ZNF829: variants seen among roughly 807,000 people sequenced by gnomAD.
ZNF829 encodes zinc finger protein 829.
ZNF829 carries 25 observed loss-of-function variants against 35.2 expected under a neutral mutation model. That is an observed-to-expected ratio of 0.71 (90% confidence interval 0.52 to 0.99). The LOEUF (loss-of-function observed/expected upper bound fraction) is 0.99, where lower values mean the gene tolerates loss of function less well. Ranked by LOEUF, ZNF829 falls within the 50% of genes least tolerant of loss-of-function variation. The probability of loss-of-function intolerance (pLI) is 0.00; values close to 1 mark genes in which losing one functional copy is unlikely to be tolerated. For synonymous variants in ZNF829, 136 were observed against 163.2 expected (o/e 0.83, Z 1.27); for missense variants, 417 against 515.3 (o/e 0.81, Z 1.85).
chr19:36,915,283 T>C, intron 1 of ZNF829, 32 bp from the exon 2 acceptor site: 1 of 1,583,472 alleles, frequency 6.3e-7, no homozygotes, highest in South Asian at 1.1e-5. Context: ...CACAATCGCA[T>C]AGTTGACAGG....
At chr19:36,894,709 T>G (rs1264973878) in intron 5 of ZNF829, among the ~76,000 whole-genome samples, 1 of 151,986 alleles carries the variant, frequency 6.6e-6, no homozygotes, top group Non-Finnish European at 1.5e-5. Flanking sequence ...AAGAAAGAAT[T>G]TCTGAACTTG....
At chr19:36,902,967 C>G (rs776074640) in intron 5 of ZNF829, among the ~76,000 whole-genome samples, 4 of 151,382 alleles carry the variant, frequency 2.6e-5, no homozygotes, top group African/African-American at 9.7e-5. Context: ...ACCCGGGAGG[C>G]GGAGGTTGTA....
intron 5 of ZNF829, among the ~76,000 whole-genome samples, chr19:36,896,040 G>A (rs1170314485): frequency 2.0e-5 from 3 of 152,072 alleles, no homozygotes; most frequent in African/African-American, 2.4e-5. Context: ...GGCCAGGCGC[G>A]GTGGCTCATG....
intron 3 of ZNF829, 68 bp downstream of exon 3, chr19:36,914,897 G>A (rs1346037024): frequency 2.8e-6 from 4 of 1,453,648 alleles, no homozygotes; most frequent in Admixed American, 3.4e-5. Flanking sequence ...AAATTATAGG[G>A]ACCTATAATT....
chr19:36,909,533 G>A (rs567410066), intron 3 of ZNF829, among the ~76,000 whole-genome samples: 1 of 152,268 alleles, frequency 6.6e-6, no homozygotes, highest in South Asian at 2.1e-4. Context: ...TATGAGCCGA[G>A]CATGGTGGCT....
At chr19:36,895,352 T>C (rs1434318721) in intron 5 of ZNF829, among the ~76,000 whole-genome samples, 1 of 151,166 alleles carries the variant, frequency 6.6e-6, no homozygotes, top group Admixed American at 6.6e-5. Flanking sequence ...ATTAAACAAA[T>C]GAAAATAAGA....
chr19:36,909,977 G>T (rs1266747795), intron 3 of ZNF829, among the ~76,000 whole-genome samples: 1 of 152,018 alleles, frequency 6.6e-6, no homozygotes, highest in Admixed American at 6.6e-5. Context: ...TAGAAATATA[G>T]GAAAAATGCT....
Position 36,892,198 on chromosome 19 carries a change from A to G in ZNF829, c.593T>C (p.Leu198Pro), listed in dbSNP as rs200561106. 9.2e-5 allele frequency: 149 copies of G among 1,614,006 alleles called. No individual in the cohort carries two copies. The highest frequency in any genetic ancestry group is 1.2e-4 in the Non-Finnish European group (143 of 1,180,026). Residue 198 changes from leucine (L) to proline (P), a missense_variant, in exon 6 of 6, where the codon CTC becomes CCC. Leu to Pro is a moderately conservative substitution (Grantham distance 98, BLOSUM62 -3). Coordinates refer to ENST00000391711, the MANE Select transcript of ZNF829 (RefSeq NM_001037232.4). Reference sequence around the variant, plus strand: ...GTGAATCCTCTGATGTCGAGTAACGAGTGAGCCACGACTAAAGGACTTCCC... The same window carrying G: ...GTGAATCCTCTGATGTCGAGTAACGGGTGAGCCACGACTAAAGGACTTCCC... The part of the protein sequence containing the change: ...EYGKSFSRGS[L>P]VTRHQRIHTG...
chr19:36,915,831 G>A (rs1260966613), intron 1 of ZNF829, 180 bp downstream of exon 1: 2 of 1,534,510 alleles, frequency 1.3e-6, no homozygotes, highest in African/African-American at 2.7e-5. Flanking sequence ...TCTTGACCTC[G>A]TGATCCTCCT....
At chr19:36,907,823 T>G in intron 5 of ZNF829, 106 bp downstream of exon 5, 1 of 882,970 alleles carries the variant, frequency 1.1e-6, no homozygotes, top group Non-Finnish European at 1.7e-6. Flanking sequence ...AAAAGTGGGA[T>G]AGCTTATATG....
At chr19:36,896,491 A>C (rs1004963676) in intron 5 of ZNF829, among the ~76,000 whole-genome samples, 6 of 152,110 alleles carry the variant, frequency 3.9e-5, no homozygotes, top group African/African-American at 1.4e-4. Flanking sequence ...TCAAAAAAAC[A>C]ACAACAAAAA....
At chr19:36,902,113 G>C (rs759153310) in intron 5 of ZNF829, 19 of 318,162 alleles carry the variant, frequency 6.0e-5, no homozygotes, top group Non-Finnish European at 1.1e-4. Context: ...ATGTGGATGA[G>C]AACTAATCAC....
intron 5 of ZNF829, chr19:36,901,934 G>C (rs1339225400): frequency 1.3e-6 from 1 of 761,776 alleles, no homozygotes; most frequent in Admixed American, 1.7e-5. Context: ...TGTGCGCACT[G>C]ATACCAGGCT....
intron 5 of ZNF829, among the ~76,000 whole-genome samples, chr19:36,899,189 C>T (rs2073139498): frequency 1.3e-5 from 2 of 152,086 alleles, no homozygotes. Flanking sequence ...ACTGTAATCC[C>T]AGCACATTGG....
rs1217884654 is a variant in ZNF829, at chr19:36,890,489, G to A, written c.*1003C>T. ...TTTAGGATTGTTTTATCTTCTTGTT[G>A]AATTTATCCTTTATCATTATAAATG... is the stretch of plus-strand genomic sequence containing the variant. On this transcript the variant is annotated 3_prime_UTR_variant, in exon 6 of 6. Transcript: ENST00000391711. The A allele has an allele frequency of 6.6e-6, 1 of 151,916 alleles. No individual in the cohort carries two copies. Among genetic ancestry groups the A allele is most frequent in the Admixed American group, 6.6e-5 (1 of 15,254 alleles). The allele number at this position is 151,916 out of a possible 1,614,324, so 9.4% of individuals were successfully genotyped here.
intron 5 of ZNF829, among the ~76,000 whole-genome samples, chr19:36,903,864 G>GAA (rs57784154): frequency 4.1e-5 from 6 of 147,510 alleles, no homozygotes; most frequent in African/African-American, 1.3e-4. Context: ...AAACTGTCTC[G>GAA]AAAAAAAAAA....
intron 5 of ZNF829, among the ~76,000 whole-genome samples, chr19:36,902,864 C>T (rs1014250429): frequency 9.2e-5 from 14 of 151,964 alleles, no homozygotes; most frequent in South Asian, 2.1e-4. Context: ...GGTGAAACCC[C>T]GTCTCTACTA....
chr19:36,895,962 T>C (rs1422837134), intron 5 of ZNF829, among the ~76,000 whole-genome samples: 5 of 151,782 alleles, frequency 3.3e-5, no homozygotes, highest in Non-Finnish European at 7.4e-5. Context: ...AGGTCAGGAG[T>C]TCGAGACCAG....
chr19:36,915,820 C>G, intron 1 of ZNF829, 191 bp downstream of exon 1: 1 of 1,528,300 alleles, frequency 6.5e-7, no homozygotes, highest in Non-Finnish European at 8.8e-7. Flanking sequence ...TGGTCTCGAT[C>G]TCTTGACCTC....
Sources: allele counts gnomAD v4.1 joint callset (sites outside exome capture counted in the v4.1 genomes callset), GRCh38; gene constraint gnomAD v4.1.1; transcripts MANE v1.5; gene names NCBI Gene and HGNC (gene_info 2026-07-23, HGNC 2026-07-21).